JAKMIP1: variants seen among roughly 807,000 people sequenced by gnomAD.
The protein encoded by JAKMIP1 is janus kinase and microtubule-interacting protein 1.
Under a neutral mutation model 113.0 loss-of-function variants are expected in JAKMIP1, and 33 were observed. The ratio of observed to expected loss-of-function variants is 0.29; its 90% CI spans 0.22 to 0.39. The LOEUF is 0.39. Among genes scored for constraint, JAKMIP1 ranks in the 10% least tolerant of loss-of-function variants. JAKMIP1 has a pLI of 1.00. For synonymous variants in JAKMIP1, 480 were observed against 459.9 expected (o/e 1.04, Z -0.56); for missense variants, 813 against 1,080.5 (o/e 0.75, Z 3.47).
intron 10 of JAKMIP1, 89 bp from the exon 11 acceptor site, chr4:6,060,596 C>A: frequency 3.1e-6 from 3 of 954,170 alleles, no homozygotes; most frequent in Non-Finnish European, 5.1e-6. Flanking sequence ...CAAGCAATGC[C>A]TAGGGTCCTT....
rs1198767967 is a variant in JAKMIP1 at position 6,062,572 on chromosome 4, CA to C, written c.1432-133del. ...TGAGTGCCAGGGTCAACTTAGACATCAAACGACCACATCTCACAGTGCTGCC... is the reference window on the plus strand; with the variant it reads ...TGAGTGCCAGGGTCAACTTAGACATCAACGACCACATCTCACAGTGCTGCC... On this transcript the variant is annotated intron_variant, in intron 9 of 20. Transcript: ENST00000409021. 4 of 923,952 alleles carry C rather than the reference CA, an allele frequency of 4.3e-6. No homozygotes were observed. In the Admixed American group the frequency reaches 7.4e-5, roughly 17 times the overall value. The allele number at this position is 923,952 out of a possible 1,614,324, so 57.2% of individuals were successfully genotyped here.
chr4:6,066,920 C>T (rs985473039), intron 8 of JAKMIP1, among the ~76,000 whole-genome samples: 8 of 152,000 alleles, frequency 5.3e-5, no homozygotes, highest in Admixed American at 4.6e-4. Context: ...CCACACACAC[C>T]TGCCATGGGG....
chr4:6,046,588 G>A (rs1475199037), intron 16 of JAKMIP1, among the ~76,000 whole-genome samples: 1 of 152,084 alleles, frequency 6.6e-6, no homozygotes, highest in Non-Finnish European at 1.5e-5. Context: ...GGGCGGCAGT[G>A]GGGGTGGGCA....
intron 1 of JAKMIP1, among the ~76,000 whole-genome samples, chr4:6,127,555 C>T (rs1271822180): frequency 1.3e-5 from 2 of 152,122 alleles, no homozygotes; most frequent in African/African-American, 4.8e-5. Flanking sequence ...TTGGTGAGGC[C>T]CAAACAGGGC....
intron 1 of JAKMIP1, among the ~76,000 whole-genome samples, chr4:6,169,932 C>T (rs962388388): frequency 4.6e-5 from 7 of 151,610 alleles, no homozygotes; most frequent in African/African-American, 1.7e-4. Context: ...TTTCTACCAC[C>T]ACCGATACTA....
chr4:6,087,494 A>G (rs1721470704), intron 3 of JAKMIP1, among the ~76,000 whole-genome samples: 1 of 152,106 alleles, frequency 6.6e-6, no homozygotes, highest in East Asian at 1.9e-4. Context: ...ACACGAGGCT[A>G]TTTTATTTTA....
intron 1 of JAKMIP1, among the ~76,000 whole-genome samples, chr4:6,117,067 G>T (rs553135514): frequency 1.3e-5 from 2 of 152,340 alleles, no homozygotes; most frequent in South Asian, 4.1e-4. Flanking sequence ...CCCTCTGAGT[G>T]TAGGCCCTGC....
chr4:6,082,839 A>T (rs946879741), intron 5 of JAKMIP1, among the ~76,000 whole-genome samples: 28 of 152,274 alleles, frequency 1.8e-4, no homozygotes, highest in African/African-American at 6.7e-4. Context: ...CACCACTGGG[A>T]AGAGAGGTGA....
chr4:6,096,206 A>G (rs146401525), intron 3 of JAKMIP1, among the ~76,000 whole-genome samples: 158 of 152,356 alleles, frequency 1.0e-3, no homozygotes, highest in African/African-American at 3.7e-3. Context: ...ACCTTTAAAA[A>G]AAAATCCTGG....
At chr4:6,077,643 C>T (rs1462463203) in intron 8 of JAKMIP1, among the ~76,000 whole-genome samples, 1 of 151,698 alleles carries the variant, frequency 6.6e-6, no homozygotes, top group African/African-American at 2.4e-5. Context: ...CCACCACATC[C>T]AGCTAATTTT....
At chr4:6,112,415 C>T (rs1485452864) in intron 2 of JAKMIP1, among the ~76,000 whole-genome samples, 3 of 152,226 alleles carry the variant, frequency 2.0e-5, no homozygotes, top group Non-Finnish European at 4.4e-5. Context: ...GTTCTTTGCT[C>T]AGTTAATCTC....
At chr4:6,169,426 C>T (rs111402868) in intron 1 of JAKMIP1, among the ~76,000 whole-genome samples, 34,108 of 151,926 alleles carry the variant, frequency 0.22, 3,995 homozygotes, top group Middle Eastern at 0.27. Flanking sequence ...GAGCCAAGGA[C>T]AGCCGCCACC....
Position 6,181,988 on chromosome 4 carries a change from G to A in JAKMIP1, c.-148+18265C>T, listed in dbSNP as rs79518518. On this transcript the variant is annotated intron_variant, in intron 1 of 20. Coordinates refer to ENST00000409021, the MANE Select transcript of JAKMIP1 (RefSeq NM_001099433.2). This position sits in a 1 kb window ranked among gnomAD's most constrained non-coding sequence, Gnocchi z 5.4. ...CTGGGCAAGTTCAGGGAAAGCAGACGATTCAATAAGGTAAGGGACAGTGTT... is the reference window on the plus strand; with the variant it reads ...CTGGGCAAGTTCAGGGAAAGCAGACAATTCAATAAGGTAAGGGACAGTGTT... Among the ~76,000 whole-genome samples the A allele has an allele frequency of 0.16, 24,149 of 152,036 alleles. 2,160 individuals carry two copies. Among genetic ancestry groups the A allele is most frequent in the South Asian group, 0.26 (1,250 of 4,812 alleles).
chr4:6,096,028 G>A (rs965844429), intron 3 of JAKMIP1, among the ~76,000 whole-genome samples: 5 of 152,200 alleles, frequency 3.3e-5, no homozygotes, highest in Non-Finnish European at 7.3e-5. Context: ...CCTGAACAAG[G>A]GACACTGAGG....
rs532586460 is a variant in JAKMIP1 at position 6,134,792 on chromosome 4, T to C, written c.-147-21795A>G. On this transcript the variant is annotated intron_variant, in intron 1 of 20. Coordinates refer to ENST00000409021, the MANE Select transcript of JAKMIP1 (RefSeq NM_001099433.2). ...TGCCCTCTTTCACACATGCAAATACTGCACCAGGCCTGGGGAGGCAGAGAT... is the reference window on the plus strand; with the variant it reads ...TGCCCTCTTTCACACATGCAAATACCGCACCAGGCCTGGGGAGGCAGAGAT... Among the ~76,000 whole-genome samples the C allele has an allele frequency of 6.6e-5, 10 of 152,332 alleles. No individual in the cohort carries two copies. The East Asian group carries it at 1.9e-3, about 29-fold the overall frequency.
In JAKMIP1 at chr4:6,194,473, T is replaced by C. The variant is rs1169037494; in HGVS notation, c.-148+5780A>G. 1 of 151,858 alleles carries C rather than the reference T, an allele frequency of 6.6e-6. No homozygotes were observed. Among genetic ancestry groups the C allele is most frequent in the African/African-American group, 2.4e-5 (1 of 41,302 alleles). The allele number at this position is 151,858 out of a possible 1,614,324, so 9.4% of individuals were successfully genotyped here. On this transcript the variant is annotated intron_variant, in intron 1 of 20. Coordinates refer to ENST00000409021, the MANE Select transcript of JAKMIP1 (RefSeq NM_001099433.2). This position sits in a 1 kb window ranked among gnomAD's most constrained non-coding sequence, Gnocchi z 7.4. ...AGACAGAAGCTCCAAGGGTAAAAGATAGTGGAAAGCTACTTACCAGCTCAC... is the reference window on the plus strand; with the variant it reads ...AGACAGAAGCTCCAAGGGTAAAAGACAGTGGAAAGCTACTTACCAGCTCAC...
At chr4:6,173,098 G>T (rs551999203) in intron 1 of JAKMIP1, among the ~76,000 whole-genome samples, 2 of 152,188 alleles carry the variant, frequency 1.3e-5, no homozygotes, top group African/African-American at 4.8e-5. Flanking sequence ...ACGCCTATCT[G>T]TGTGGGTTCC....
rs1339183978 is a variant in JAKMIP1, at chr4:6,080,126, G to A, written c.1242+46C>T. On this transcript the variant is annotated intron_variant, in intron 7 of 20. Coordinates refer to ENST00000409021, the MANE Select transcript of JAKMIP1 (RefSeq NM_001099433.2). This position sits in a 1 kb window ranked among gnomAD's most constrained non-coding sequence, Gnocchi z 6.0. ...CCGTTCCTGACACCCATGTCAGCTG[G>A]TGCCACCCCTGCCAGGGGCAGCCGC... 1.3e-6 allele frequency: 2 copies of A among 1,536,506 alleles called. No homozygotes were observed. Among genetic ancestry groups the A allele is most frequent in the Non-Finnish European group, 1.8e-6 (2 of 1,139,114 alleles).
intron 1 of JAKMIP1, among the ~76,000 whole-genome samples, chr4:6,144,797 G>A (rs995691302): frequency 1.2e-4 from 19 of 152,244 alleles, no homozygotes; most frequent in African/African-American, 3.9e-4. Context: ...AAACATTAAC[G>A]CTTTCCCTTA....
Sources: allele counts gnomAD v4.1 joint callset (sites outside exome capture counted in the v4.1 genomes callset), GRCh38; gene constraint gnomAD v4.1.1; non-coding constraint Gnocchi (gnomAD v3.1); transcripts MANE v1.5; gene names NCBI Gene and HGNC (gene_info 2026-07-23, HGNC 2026-07-21).